The following KCNT2 variants were observed in gnomAD, a reference collection of about 807,000 sequenced individuals.
KCNT2 encodes potassium sodium-activated channel subfamily T member 2.
In KCNT2, 67 loss-of-function variants were observed where a neutral mutation model predicts 153.8. That is an observed-to-expected ratio of 0.44 (90% CI 0.36 to 0.53). The LOEUF (loss-of-function observed/expected upper bound fraction) is 0.53, where lower values mean the gene tolerates loss of function less well. Among genes scored for constraint, KCNT2 ranks in the 20% least tolerant of loss-of-function variants. The probability of loss-of-function intolerance (pLI) is 0.00; values close to 1 mark genes in which losing one functional copy is unlikely to be tolerated. For missense variants in KCNT2, 975 were observed against 1,354.8 expected (o/e 0.72, Z 4.40); for synonymous variants, 500 against 458.8 (o/e 1.09, Z -1.15).
rs1303778035 is a variant in KCNT2, at chr1:196,226,188, A to T, written c.*2036T>A. The T allele has an allele frequency of 2.0e-5, 3 of 152,052 alleles. No homozygotes were observed. Among genetic ancestry groups the T allele is most frequent in the African/African-American group, 7.2e-5 (3 of 41,458 alleles). The allele number at this position is 152,052 out of a possible 1,614,324, so 9.4% of individuals were successfully genotyped here. A position where few individuals can be genotyped will look rare whatever the true frequency, so the allele number is the denominator to read the frequency against. On this transcript the variant is annotated 3_prime_UTR_variant, in exon 28 of 28. Transcript: ENST00000294725. ...CAACTGTCATAATGCAAAAATACCA[A>T]ACTTCAGATCTTGTGGGGAAATAAA...
intron 5 of KCNT2, among the ~76,000 whole-genome samples, chr1:196,471,208 C>G (rs1678082267): frequency 6.6e-6 from 1 of 151,838 alleles, no homozygotes; most frequent in Admixed American, 6.6e-5. Context: ...CGCCCGGCCC[C>G]TAATTTCTTA....
chr1:196,399,811 A>G (rs1312372225), intron 12 of KCNT2, among the ~76,000 whole-genome samples: 1 of 151,780 alleles, frequency 6.6e-6, no homozygotes, highest in Admixed American at 6.6e-5. Context: ...ACCCATATAA[A>G]AGACACCTGA....
At chr1:196,513,638 C>T (rs540941088) in intron 1 of KCNT2, among the ~76,000 whole-genome samples, 3 of 152,274 alleles carry the variant, frequency 2.0e-5, no homozygotes, top group Admixed American at 2.0e-4. Flanking sequence ...GTCCTTCTTC[C>T]TTCAGCTCTC....
chr1:196,557,699 G>A (rs1463454722), intron 1 of KCNT2, among the ~76,000 whole-genome samples: 1 of 151,116 alleles, frequency 6.6e-6, no homozygotes, highest in Non-Finnish European at 1.5e-5. Context: ...TGATAAGTAT[G>A]CAAAAATAAA....
At chr1:196,437,581 T>C (rs1209525419) in intron 8 of KCNT2, among the ~76,000 whole-genome samples, 3 of 149,898 alleles carry the variant, frequency 2.0e-5, no homozygotes, top group Admixed American at 1.3e-4. Flanking sequence ...TTTTGCTTAG[T>C]TAATACATAT....
At chr1:196,237,951 C>A (rs747619315) in intron 26 of KCNT2, among the ~76,000 whole-genome samples, 2 of 151,722 alleles carry the variant, frequency 1.3e-5, no homozygotes, top group Non-Finnish European at 2.9e-5. Context: ...TTGAGAAATG[C>A]CCCCTTATTT....
intron 1 of KCNT2, among the ~76,000 whole-genome samples, chr1:196,533,275 TG>T (rs1655170026): frequency 6.6e-6 from 1 of 152,088 alleles, no homozygotes; most frequent in South Asian, 2.1e-4. Flanking sequence ...CAATAATTAT[TG>T]GCCTTCTTAG....
chr1:196,258,139 T>C, intron 26 of KCNT2, 55 bp downstream of exon 26: 9 of 1,566,448 alleles, frequency 5.7e-6, no homozygotes, highest in Non-Finnish European at 7.8e-6. Context: ...ACTATATTAC[T>C]ACTAATGGCA....
At chr1:196,567,716 G>C (rs1484340548) in intron 1 of KCNT2, among the ~76,000 whole-genome samples, 1 of 152,228 alleles carries the variant, frequency 6.6e-6, no homozygotes. Context: ...TGGAGAAAGA[G>C]ATAAAGGTGG....
In KCNT2 at chr1:196,538,862, A is replaced by G. The variant is rs559870604; in HGVS notation, c.96-46521T>C. On this transcript the variant is annotated intron_variant, in intron 1 of 27. Transcript: ENST00000294725. ...TCTTAAAATGTTCTAACTTCTGCTTATTATCCTAGCACCACTCAATTGAAA... is the reference window on the plus strand; with the variant it reads ...TCTTAAAATGTTCTAACTTCTGCTTGTTATCCTAGCACCACTCAATTGAAA... Among the ~76,000 whole-genome samples, 3 of 152,370 alleles carry G rather than the reference A, an allele frequency of 2.0e-5. No individual in the cohort carries two copies. The South Asian group carries it at 6.2e-4, about 32-fold the overall frequency.
chr1:196,377,965 AC>A (rs1190543941), intron 13 of KCNT2, among the ~76,000 whole-genome samples: 5 of 152,082 alleles, frequency 3.3e-5, no homozygotes, highest in Non-Finnish European at 7.4e-5. Context: ...GGACAGGGCA[AC>A]AAAATCCAGT....
intron 11 of KCNT2, among the ~76,000 whole-genome samples, chr1:196,423,906 C>T (rs1023424127): frequency 7.9e-5 from 12 of 151,822 alleles, no homozygotes; most frequent in Non-Finnish European, 2.9e-5. Flanking sequence ...ATGTAACTAA[C>T]CTATGAAACT....
In KCNT2 at chr1:196,454,370, C is replaced by G. The variant is rs115807444; in HGVS notation, c.638+10923G>C. 6.6e-3 allele frequency among the ~76,000 whole-genome samples: 1,006 copies of G among 151,984 alleles called. 12 individuals carry two copies. Among genetic ancestry groups the G allele is most frequent in the African/African-American group, 0.023 (960 of 41,488 alleles). ...CAGGTAGTTTTTCAGCCCTTGCCCT[C>G]CTTCCCCTCTTTCTCCTCTAGCAGT... On this transcript the variant is annotated intron_variant, in intron 8 of 27. Transcript: ENST00000294725.
rs148420147 is a variant in KCNT2, at chr1:196,408,848, T to G, written c.1186-10177A>C. Among the ~76,000 whole-genome samples the G allele has an allele frequency of 2.2e-4, 33 of 151,692 alleles. No individual in the cohort carries two copies. The East Asian group carries it at 6.4e-3, about 30-fold the overall frequency. On this transcript the variant is annotated intron_variant, in intron 12 of 27. Transcript: ENST00000294725. Reference sequence around the variant, plus strand: ...TACTTGAAAACTGGAATTCCATTTTTTAGTGTAATATTCCATATGTCAATT... The same window carrying G: ...TACTTGAAAACTGGAATTCCATTTTGTAGTGTAATATTCCATATGTCAATT...
chr1:196,456,738 G>A (rs968876610), intron 8 of KCNT2, among the ~76,000 whole-genome samples: 1 of 151,866 alleles, frequency 6.6e-6, no homozygotes, highest in Non-Finnish European at 1.5e-5. Flanking sequence ...CTTAAGATCA[G>A]GTACTAACCA....
intron 21 of KCNT2, among the ~76,000 whole-genome samples, chr1:196,305,935 G>GTCCCATGGCTTCATATTAGC (rs1385453471): frequency 6.6e-6 from 1 of 151,856 alleles, no homozygotes; most frequent in African/African-American, 2.4e-5. Context: ...TTTTTCACAG[G>GTCCCATGGCTTCATATTAGC]TCCCATGGCT....
At chr1:196,343,728 G>A (rs140086135) in intron 14 of KCNT2, among the ~76,000 whole-genome samples, 1 of 152,028 alleles carries the variant, frequency 6.6e-6, no homozygotes, top group African/African-American at 2.4e-5. Flanking sequence ...TGTCTAATCT[G>A]AGTCCCAACT....
At chr1:196,447,630 A>G (rs1675807418) in intron 8 of KCNT2, among the ~76,000 whole-genome samples, 1 of 151,646 alleles carries the variant, frequency 6.6e-6, no homozygotes, top group African/African-American at 2.4e-5. Context: ...TGGGAGGTAG[A>G]GCCAATAGGG....
At chr1:196,509,490 T>G (rs1011813172) in intron 1 of KCNT2, among the ~76,000 whole-genome samples, 40 of 152,160 alleles carry the variant, frequency 2.6e-4, no homozygotes, top group African/African-American at 9.7e-4. Context: ...TATATGTCAG[T>G]GATCAGTTTT....
Sources: allele counts gnomAD v4.1 joint callset (sites outside exome capture counted in the v4.1 genomes callset), GRCh38; gene constraint gnomAD v4.1.1; transcripts MANE v1.5; gene names NCBI Gene and HGNC (gene_info 2026-07-23, HGNC 2026-07-21).